Variants in CREB1 observed in about 807,000 individuals in gnomAD.
CREB1 encodes the protein cAMP responsive element binding protein 1.
In CREB1, 2 loss-of-function variants were observed where a neutral mutation model predicts 42.0. The observed-to-expected ratio is 0.05, with a 90% CI of 0.02 to 0.15. The LOEUF is 0.15. CREB1 is among the 10% of genes least tolerant of loss of function. The probability of loss-of-function intolerance (pLI) is 1.00; values close to 1 mark genes in which losing one functional copy is unlikely to be tolerated. For synonymous variants in CREB1, 123 were observed against 139.9 expected (o/e 0.88, Z 0.85); for missense variants, 199 against 388.9 (o/e 0.51, Z 4.11).
rs1559100230 is a variant in CREB1, at chr2:207,604,245, T to C, written c.*7187T>C. 6.6e-6 allele frequency among the ~76,000 whole-genome samples: 1 copy of C among 152,214 alleles called. No homozygotes were observed. On this transcript the variant is annotated 3_prime_UTR_variant, in exon 8 of 8. Transcript: ENST00000353267. Reference sequence around the variant, plus strand: ...TGAGAAGTCACATCCAAAGATAAAATTCTGATCCATTTCTAGTTTTAGTGT... The same window carrying C: ...TGAGAAGTCACATCCAAAGATAAAACTCTGATCCATTTCTAGTTTTAGTGT...
In CREB1 at chr2:207,577,620, A is replaced by C. The variant is rs1198215863; in HGVS notation, c.804A>C (p.Ala268=). 5 of 1,614,018 alleles carry C rather than the reference A, an allele frequency of 3.1e-6. No homozygotes were observed. In the African/African-American group the frequency reaches 6.7e-5, roughly 22 times the overall value. The change falls in exon 7 of 8, where the codon GCA becomes GCC. Residue 268 remains alanine (A), a synonymous_variant. Transcript: ENST00000353267. ...PALPTQPAEE[A]ARKREVRLMK... ...TTCCTACACAGCCTGCTGAAGAAGCAGCACGAAAGAGAGAGGTCCGTCTAA... is the reference window on the plus strand; with the variant it reads ...TTCCTACACAGCCTGCTGAAGAAGCCGCACGAAAGAGAGAGGTCCGTCTAA...
chr2:207,539,980 G>A (rs2081029542), intron 1 of CREB1, among the ~76,000 whole-genome samples: 1 of 152,174 alleles, frequency 6.6e-6, no homozygotes, highest in African/African-American at 2.4e-5. Flanking sequence ...GAGAAGGTAA[G>A]ATATAAACAG....
At chr2:207,593,392 T>C (rs2085459046) in intron 7 of CREB1, among the ~76,000 whole-genome samples, 1 of 152,124 alleles carries the variant, frequency 6.6e-6, no homozygotes, top group Non-Finnish European at 1.5e-5. Context: ...TAGCTGGGCA[T>C]GGTGGTGCAT....
Position 207,600,185 on chromosome 2 carries a change from T to G in CREB1, c.*3127T>G, listed in dbSNP as rs913817174. 1 of 176,378 alleles carries G rather than the reference T, an allele frequency of 5.7e-6. No individual in the cohort carries two copies. The highest frequency in any genetic ancestry group is 2.4e-5 in the African/African-American group (1 of 41,938). The allele number at this position is 176,378 out of a possible 1,614,324, so 10.9% of individuals were successfully genotyped here. A position where few individuals can be genotyped will look rare whatever the true frequency, so the allele number is the denominator to read the frequency against. On this transcript the variant is annotated 3_prime_UTR_variant, in exon 8 of 8. Transcript: ENST00000353267. ...GCAACCATAATATTGTCATAGGTGC[T>G]CTCTTCATTTAGATATTCTTGGGGG...
intron 3 of CREB1, among the ~76,000 whole-genome samples, chr2:207,565,121 A>G (rs549974523): frequency 1.3e-5 from 2 of 151,738 alleles, no homozygotes; most frequent in African/African-American, 4.8e-5. Flanking sequence ...TCCCTCCCCA[A>G]CTCCATGGAT....
rs372808746 is a variant in CREB1, at chr2:207,597,888, T to G, written c.*830T>G. 46 of 188,804 alleles carry G rather than the reference T, an allele frequency of 2.4e-4. No homozygotes were observed. The highest frequency in any genetic ancestry group is 1.0e-3 in the African/African-American group (45 of 43,038). 11.7% of individuals were successfully genotyped at this position (188,804 alleles called of 1,614,324 possible). A position where few individuals can be genotyped will look rare whatever the true frequency, so the allele number is the denominator to read the frequency against. On this transcript the variant is annotated 3_prime_UTR_variant, in exon 8 of 8. Transcript: ENST00000353267. ...TACTAAATTCTTAGTAAAATGCTGA[T>G]CAGTAAACCAATCCCTTGAGTTATA... is the stretch of plus-strand genomic sequence containing the variant.
intron 1 of CREB1, among the ~76,000 whole-genome samples, chr2:207,538,727 G>A (rs970597496): frequency 3.3e-5 from 5 of 152,218 alleles, no homozygotes; most frequent in Non-Finnish European, 5.9e-5. Flanking sequence ...TCTGAAAGTT[G>A]ACTTATACCA....
chr2:207,544,146 A>T (rs1438002240), intron 1 of CREB1, among the ~76,000 whole-genome samples: 1 of 151,380 alleles, frequency 6.6e-6, no homozygotes. Flanking sequence ...TGACCTCATG[A>T]TCTGCCCGCC....
rs1272509352 is a variant in CREB1, at chr2:207,603,399, T to G, written c.*6341T>G. The G allele has an allele frequency of 3.1e-5, 7 of 224,734 alleles. No homozygotes were observed. Among genetic ancestry groups the G allele is most frequent in the Admixed American group, 1.1e-4 (2 of 17,546 alleles). 13.9% of individuals were successfully genotyped at this position (224,734 alleles called of 1,614,324 possible). On this transcript the variant is annotated 3_prime_UTR_variant, in exon 8 of 8. Coordinates refer to ENST00000353267, the MANE Select transcript of CREB1 (RefSeq NM_004379.5). ...AATGCTCTTTTTACACAAACATTTA[T>G]GTGCAGTCACATAAACATGCTTTTA... is the stretch of plus-strand genomic sequence containing the variant.
At chr2:207,575,199 C>A in intron 5 of CREB1, 73 bp from the exon 6 acceptor site, 2 of 1,400,160 alleles carry the variant, frequency 1.4e-6, no homozygotes, top group South Asian at 1.4e-5. Context: ...ACAAATTATT[C>A]TACATTGGAT....
At chr2:207,547,806 TCAAA>T (rs1004602672) in intron 1 of CREB1, among the ~76,000 whole-genome samples, 110 of 152,108 alleles carry the variant, frequency 7.2e-4, no homozygotes, top group East Asian at 6.6e-3. Context: ...ATACTTAATT[TCAAA>T]CAAACAAACA....
At chr2:207,576,170 C>T (rs1017122803) in intron 6 of CREB1, among the ~76,000 whole-genome samples, 1 of 149,444 alleles carries the variant, frequency 6.7e-6, no homozygotes, top group Non-Finnish European at 1.5e-5. Context: ...TACCAATATG[C>T]AAATCTGCTG....
rs572897453 is a variant in CREB1 at position 207,532,336 on chromosome 2, A to G, written c.-9+2202A>G. ...GACTCCGTCTCAAAGAAAAAAAAAA[A>G]AAAGAAAGAATATATGACTCTTCAT... On this transcript the variant is annotated intron_variant, in intron 1 of 7. Coordinates refer to ENST00000353267, the MANE Select transcript of CREB1 (RefSeq NM_004379.5). Among the ~76,000 whole-genome samples the G allele has an allele frequency of 6.0e-5, 9 of 149,034 alleles. No individual in the cohort carries two copies. In the South Asian group the frequency reaches 6.2e-4, roughly 10 times the overall value.
rs1197967463 is a variant in CREB1, at chr2:207,599,801, A to T, written c.*2743A>T. ...TTTTAAAAACCTTGTAGCCAAGAAC[A>T]TATGTGGCCACATTACCAGTAATAA... On this transcript the variant is annotated 3_prime_UTR_variant, in exon 8 of 8. Coordinates refer to ENST00000353267, the MANE Select transcript of CREB1 (RefSeq NM_004379.5). 4 of 196,416 alleles carry T rather than the reference A, an allele frequency of 2.0e-5. No homozygotes were observed. The highest frequency in any genetic ancestry group is 3.2e-5 in the Non-Finnish European group (3 of 94,680). The allele number at this position is 196,416 out of a possible 1,614,324, so 12.2% of individuals were successfully genotyped here.
intron 7 of CREB1, among the ~76,000 whole-genome samples, chr2:207,596,588 C>T (rs1007794104): frequency 6.6e-6 from 1 of 152,196 alleles, no homozygotes; most frequent in East Asian, 1.9e-4. Context: ...CATGTGCCGC[C>T]ACACCCCGCT....
chr2:207,595,546 A>G (rs1231572392), intron 7 of CREB1, among the ~76,000 whole-genome samples: 1 of 151,174 alleles, frequency 6.6e-6, no homozygotes, highest in Non-Finnish European at 1.5e-5. Context: ...AGTAGCTGAG[A>G]CTACACGCAC....
In CREB1 at chr2:207,601,930, A is replaced by C; in HGVS notation, c.*4872A>C. On this transcript the variant is annotated 3_prime_UTR_variant, in exon 8 of 8. Coordinates refer to ENST00000353267, the MANE Select transcript of CREB1 (RefSeq NM_004379.5). ...TGACTATTAAGTTGGCTACACAGTC[A>C]CTGTATGTACTAGGAACTGGTTTCC... 2 of 211,388 alleles carry C rather than the reference A, an allele frequency of 9.5e-6. No individual in the cohort carries two copies. The highest frequency in any genetic ancestry group is 1.9e-5 in the Non-Finnish European group (2 of 104,266). The allele number at this position is 211,388 out of a possible 1,614,324, so 13.1% of individuals were successfully genotyped here. A position where few individuals can be genotyped will look rare whatever the true frequency, so the allele number is the denominator to read the frequency against.
intron 7 of CREB1, among the ~76,000 whole-genome samples, chr2:207,578,518 T>C (rs1382520496): frequency 2.0e-5 from 3 of 152,168 alleles, no homozygotes; most frequent in Admixed American, 6.5e-5. Context: ...GGTATTAACC[T>C]TCTGTACCTC....
In CREB1 at chr2:207,572,242, A is replaced by G. The variant is rs7558859; in HGVS notation, c.505+1921A>G. On this transcript the variant is annotated intron_variant, in intron 5 of 7. Transcript: ENST00000353267. ...TTCCGTCTCAAAAAAAAAAAAAAAA[A>G]AGAGAGATTAATACTTTGAAATTTT... Among the ~76,000 whole-genome samples the G allele has an allele frequency of 3.3e-3, 495 of 149,956 alleles. 5 individuals are homozygous for G. Among genetic ancestry groups the G allele is most frequent in the African/African-American group, 0.011 (436 of 39,734 alleles).
Sources: gnomAD v4.1 joint callset for allele counts (sites outside exome capture counted in the v4.1 genomes callset) on GRCh38, gnomAD v4.1.1 for gene constraint, MANE v1.5 for transcripts, NCBI Gene and HGNC (gene_info 2026-07-23, HGNC 2026-07-21) for gene names.